CILP: variants seen among roughly 807,000 people sequenced by gnomAD.
CILP encodes the protein cartilage intermediate layer protein, also known as cartilage intermediate layer protein 1.
Under a neutral mutation model 82.5 loss-of-function variants are expected in CILP, and 75 were observed. The observed-to-expected ratio is 0.91, with a 90% CI of 0.75 to 1.10. The LOEUF (loss-of-function observed/expected upper bound fraction) is 1.10, where lower values mean the gene tolerates loss of function less well. Ranked by LOEUF, CILP falls within the 50% of genes least tolerant of loss-of-function variation. The probability of loss-of-function intolerance (pLI) is 0.00; values close to 1 mark genes in which losing one functional copy is unlikely to be tolerated. For synonymous variants in CILP, 530 were observed against 580.3 expected (o/e 0.91, Z 1.25); for missense variants, 1,479 against 1,530.8 (o/e 0.97, Z 0.56).
At chr15:65,199,241 G>A in intron 8 of CILP, 142 bp from the exon 9 acceptor site, 1 of 645,668 alleles carries the variant, frequency 1.5e-6, no homozygotes, top group Non-Finnish European at 2.6e-6. Flanking sequence ...AACTCTCTGA[G>A]AGGATAGAAC....
chr15:65,209,807 CAG>C lies in CILP; in HGVS notation c.-54_-53del, dbSNP rs1192826864. The stretch of plus-strand genomic sequence containing the variant: ...GCAAGAGGTAGATGTGGGTGCTTCA[CAG>C]AGTCACTGACTCTGGAATGCGGTCC... On this transcript the variant is annotated 5_prime_UTR_variant, in exon 2 of 9. Transcript: ENST00000261883. 6.5e-7 allele frequency: 1 copy of C among 1,549,288 alleles called. No homozygotes were observed. The highest frequency in any genetic ancestry group is 2.2e-5 in the East Asian group (1 of 44,514).
intron 2 of CILP, among the ~76,000 whole-genome samples, chr15:65,208,152 C>G (rs954122873): frequency 1.3e-5 from 2 of 152,178 alleles, no homozygotes; most frequent in African/African-American, 4.8e-5. Flanking sequence ...TGCACCAAAC[C>G]TTCTTGGCAA....
intron 3 of CILP, 80 bp from the exon 4 acceptor site, chr15:65,207,131 C>G: frequency 6.7e-7 from 1 of 1,499,938 alleles, no homozygotes; most frequent in Non-Finnish European, 9.0e-7. Flanking sequence ...CCACCCCCAG[C>G]TGGCCTCAGG....
chr15:65,205,254 C>T, intron 5 of CILP, 33 bp downstream of exon 5: 1 of 1,569,960 alleles, frequency 6.4e-7, no homozygotes, highest in East Asian at 2.3e-5. Context: ...TCACCCACCA[C>T]ACCCTGCCCA....
chr15:65,201,425 G>A (rs1362868241), intron 8 of CILP, among the ~76,000 whole-genome samples: 2 of 152,108 alleles, frequency 1.3e-5, no homozygotes, highest in African/African-American at 4.8e-5. Context: ...TCCTGGCACT[G>A]TGCACAGTAC....
rs1016112110 is a variant in CILP at position 65,198,670 on chromosome 15, A to G, written c.1616T>C (p.Leu539Pro). The change falls in exon 9 of 9, where the codon CTC (leucine) becomes CCC (proline). Residue 539 changes from leucine to proline, a missense_variant. Physicochemically the swap from Leu to Pro is moderately conservative, Grantham distance 98 (BLOSUM62 -3). Coordinates refer to ENST00000261883, the MANE Select transcript of CILP (RefSeq NM_003613.4). ...CTTCTGCAGCCTGTCCACAAATGTG[A>G]GCACCAGCCTCTCAGTGTCCTGGGG... ...HVPQDTERLV[L>P]TFVDRLQKFV... 8.7e-6 allele frequency: 14 copies of G among 1,614,088 alleles called. No individual in the cohort carries two copies. The highest frequency in any genetic ancestry group is 1.2e-5 in the Non-Finnish European group (14 of 1,180,042).
In CILP at chr15:65,199,023, G is replaced by A; in HGVS notation, c.1263C>T (p.Ala421=). 6.2e-7 allele frequency: 1 copy of A among 1,607,528 alleles called. No homozygotes were observed. Among genetic ancestry groups the A allele is most frequent in the Non-Finnish European group, 8.5e-7 (1 of 1,179,976 alleles). ...CCACGTCATAGTAGAAGGAGTTGGT[G>A]GCATTCTGAAAGCAATCATGGGGCA... The part of the protein sequence containing the change: ...IRLPHDCFQN[A]TNSFYYDVGR... The change falls in exon 9 of 9, where the codon GCC becomes GCT. Residue 421 remains alanine, a synonymous_variant. Transcript: ENST00000261883.
chr15:65,196,421 CA>C lies in CILP; in HGVS notation c.*309del, dbSNP rs35175176. ...TATTGCAGAGGTGGGCAAAACCATGCAAAAAGAAGAGGAAGTATATTTGCAT... is the reference window on the plus strand; with the variant it reads ...TATTGCAGAGGTGGGCAAAACCATGCAAAAGAAGAGGAAGTATATTTGCAT... On this transcript the variant is annotated 3_prime_UTR_variant, in exon 9 of 9. Transcript: ENST00000261883. 3.7e-6 allele frequency: 1 copy of C among 269,468 alleles called. No homozygotes were observed. Among genetic ancestry groups the C allele is most frequent in the Non-Finnish European group, 7.0e-6 (1 of 143,666 alleles). The allele number at this position is 269,468 out of a possible 1,614,324, so 16.7% of individuals were successfully genotyped here.
Position 65,196,705 on chromosome 15 carries a change from C to T in CILP, c.*26G>A. On this transcript the variant is annotated 3_prime_UTR_variant, in exon 9 of 9. Coordinates refer to ENST00000261883, the MANE Select transcript of CILP (RefSeq NM_003613.4). ...CAATGGCTGTCACATGAAATGAGGG[C>T]AGAAGAGGGTGAAGTACCACAAAAC... is the stretch of plus-strand genomic sequence containing the variant. 2 of 1,502,310 alleles carry T rather than the reference C, an allele frequency of 1.3e-6. No individual in the cohort carries two copies. Among genetic ancestry groups the T allele is most frequent in the South Asian group, 1.3e-5 (1 of 74,648 alleles). The allele number at this position is 1,502,310 out of a possible 1,614,324, so 93.1% of individuals were successfully genotyped here.
rs113353010 is a variant in CILP, at chr15:65,202,387, G to T, written c.1029-358C>A. On this transcript the variant is annotated intron_variant, in intron 7 of 8. Transcript: ENST00000261883. ...AAAGTGGCTATAAAATGTTTGTGAA[G>T]GATAAAGGACTCACAGCCATAAGGG... Among the ~76,000 whole-genome samples, 1,154 of 152,156 alleles carry T rather than the reference G, an allele frequency of 7.6e-3. 15 individuals carry two copies. The highest frequency in any genetic ancestry group is 0.011 in the Non-Finnish European group (773 of 68,010).
chr15:65,203,530 A>G, intron 6 of CILP, 60 bp from the exon 7 acceptor site: 1 of 1,232,566 alleles, frequency 8.1e-7, no homozygotes, highest in Non-Finnish European at 1.2e-6. Context: ...GACAGGTTCT[A>G]CAGAGCCTAG....
chr15:65,203,324 G>T, intron 7 of CILP, 38 bp downstream of exon 7: 1 of 1,406,876 alleles, frequency 7.1e-7, no homozygotes, highest in Non-Finnish European at 1.0e-6. Flanking sequence ...CTGGTTTCCA[G>T]GAGGAGAATT....
chr15:65,207,976 C>T (rs1231498976), intron 2 of CILP, among the ~76,000 whole-genome samples: 1 of 152,202 alleles, frequency 6.6e-6, no homozygotes, highest in Non-Finnish European at 1.5e-5. Flanking sequence ...CTAATAATTG[C>T]TGCATCCTAG....
chr15:65,208,156 T>C (rs1167453527), intron 2 of CILP, among the ~76,000 whole-genome samples: 1 of 152,210 alleles, frequency 6.6e-6, no homozygotes, highest in African/African-American at 2.4e-5. Context: ...CCAAACCTTC[T>C]TGGCAAAATG....
rs991666007 is a variant in CILP, at chr15:65,194,904, G to A, written c.*1827C>T. ...CCCCCCGTGAGTTTGAAGTGAACTG[G>A]TGGTCAGGTTGAAGCAGCAGGCACT... On this transcript the variant is annotated 3_prime_UTR_variant, in exon 9 of 9. Coordinates refer to ENST00000261883, the MANE Select transcript of CILP (RefSeq NM_003613.4). 7.2e-6 allele frequency: 1 copy of A among 139,162 alleles called. No individual in the cohort carries two copies. Among genetic ancestry groups the A allele is most frequent in the Non-Finnish European group, 1.5e-5 (1 of 66,238 alleles). The allele number at this position is 139,162 out of a possible 1,614,324, so 8.6% of individuals were successfully genotyped here. A position where few individuals can be genotyped will look rare whatever the true frequency, so the allele number is the denominator to read the frequency against.
chr15:65,197,886 G>A lies in CILP; in HGVS notation c.2400C>T (p.Ile800=). The change falls in exon 9 of 9, where the codon ATC becomes ATT. Residue 800 remains isoleucine, a synonymous_variant. Coordinates refer to ENST00000261883, the MANE Select transcript of CILP (RefSeq NM_003613.4). The part of the protein sequence containing the change: ...PRAWGRFDSV[I]TGPNGACVPA... ...GCACACAGGCCCCGTTGGGGCCTGT[G>A]ATGACACTGTCAAAGCGGCCCCAGG... 6.2e-7 allele frequency: 1 copy of A among 1,613,922 alleles called. No individual in the cohort carries two copies. Among genetic ancestry groups the A allele is most frequent in the African/African-American group, 1.3e-5 (1 of 74,994 alleles).
intron 8 of CILP, among the ~76,000 whole-genome samples, chr15:65,201,413 G>C (rs143388941): frequency 1.3e-5 from 2 of 152,182 alleles, no homozygotes; most frequent in East Asian, 3.9e-4. Flanking sequence ...ATGTCCTAGA[G>C]GTCCTGGCAC....
In CILP at chr15:65,195,337, G is replaced by A. The variant is rs1425302316; in HGVS notation, c.*1394C>T. 1.3e-5 allele frequency: 2 copies of A among 152,196 alleles called. No homozygotes were observed. Among genetic ancestry groups the A allele is most frequent in the African/African-American group, 4.8e-5 (2 of 41,420 alleles). The allele number at this position is 152,196 out of a possible 1,614,324, so 9.4% of individuals were successfully genotyped here. A position where few individuals can be genotyped will look rare whatever the true frequency, so the allele number is the denominator to read the frequency against. On this transcript the variant is annotated 3_prime_UTR_variant, in exon 9 of 9. Transcript: ENST00000261883. Reference sequence around the variant, plus strand: ...TCCCAAACCCTTTGGACTCTTGCCTGACAGATTCTGGAGGGGTTGGGATAG... The same window carrying A: ...TCCCAAACCCTTTGGACTCTTGCCTAACAGATTCTGGAGGGGTTGGGATAG...
intron 2 of CILP, 104 bp downstream of exon 2, chr15:65,209,591 G>T: frequency 1.9e-6 from 2 of 1,036,202 alleles, no homozygotes; most frequent in Non-Finnish European, 3.0e-6. Context: ...AGGTCTTAAG[G>T]CCTTGCTGTG....
Sources: gnomAD v4.1 joint callset for allele counts (sites outside exome capture counted in the v4.1 genomes callset) on GRCh38, gnomAD v4.1.1 for gene constraint, MANE v1.5 for transcripts, NCBI Gene and HGNC (gene_info 2026-07-23, HGNC 2026-07-21) for gene names.